The following ADK variants were observed in gnomAD, a reference collection of about 807,000 sequenced individuals.
ADK encodes adenosine kinase, also known as N6,N6-dimethyladenosine kinase.
A neutral mutation model predicts 44.7 loss-of-function variants in ADK; 24 were observed. That is an observed-to-expected ratio of 0.54 (90% CI 0.39 to 0.76). The LOEUF (loss-of-function observed/expected upper bound fraction) is 0.76, where lower values mean the gene tolerates loss of function less well. Among genes scored for constraint, ADK ranks in the 30% least tolerant of loss-of-function variants. ADK has a pLI of 0.00. For missense variants in ADK, 321 were observed against 425.1 expected, an observed-to-expected ratio of 0.76 and a Z score of 2.15; for synonymous variants, 128 against 142.6, an observed-to-expected ratio of 0.90 and a Z score of 0.73.
chr10:74,558,776 T>A (rs1015315783), intron 7 of ADK, among the ~76,000 whole-genome samples: 8 of 152,172 alleles, frequency 5.3e-5, no homozygotes, highest in Non-Finnish European at 1.0e-4. Flanking sequence ...TGCAGGCACT[T>A]CTGGAAGCTA....
chr10:74,201,480 T>C (rs948720628), intron 2 of ADK, among the ~76,000 whole-genome samples: 3 of 152,190 alleles, frequency 2.0e-5, no homozygotes, highest in African/African-American at 7.2e-5. Flanking sequence ...ATGCACCACG[T>C]CCACATAACT....
chr10:74,695,019 T>C (rs1472239541), intron 10 of ADK, among the ~76,000 whole-genome samples: 2 of 152,088 alleles, frequency 1.3e-5, no homozygotes, highest in African/African-American at 2.4e-5. Context: ...GCCTAAACAC[T>C]ACTTTTCTAA....
intron 3 of ADK, among the ~76,000 whole-genome samples, chr10:74,272,125 A>G (rs747957001): frequency 1.9e-4 from 29 of 152,172 alleles, no homozygotes; most frequent in Admixed American, 6.5e-5. Flanking sequence ...TATATTTTGC[A>G]TTACTTAATG....
intron 6 of ADK, among the ~76,000 whole-genome samples, chr10:74,416,130 C>T (rs1314150228): frequency 1.3e-5 from 2 of 150,706 alleles, no homozygotes; most frequent in African/African-American, 4.9e-5. Flanking sequence ...CAGTTTTTTT[C>T]TGATTTAGGT....
chr10:74,341,294 G>A (rs569222481), intron 4 of ADK, among the ~76,000 whole-genome samples: 134 of 152,052 alleles, frequency 8.8e-4, no homozygotes, highest in Non-Finnish European at 1.4e-3. Context: ...GCCCAGGCAG[G>A]TGGATTATGA....
At chr10:74,533,771 C>G (rs1007330939) in intron 7 of ADK, among the ~76,000 whole-genome samples, 1 of 152,088 alleles carries the variant, frequency 6.6e-6, no homozygotes, top group Non-Finnish European at 1.5e-5. Context: ...CTATCCCACT[C>G]CTAGATATTC....
chr10:74,312,538 A>G (rs1342654390), intron 3 of ADK, among the ~76,000 whole-genome samples: 2 of 151,952 alleles, frequency 1.3e-5, no homozygotes, highest in Non-Finnish European at 2.9e-5. Flanking sequence ...ATAAAAAACA[A>G]AAGTAAACTA....
rs556156740 is a variant in ADK, at chr10:74,643,082, T to C, written c.878-27101T>C. ...GTCTCAAATTCCTGGCCTCAAGCAA[T>C]CCACCCACCTCAGCCTCCTAAAGTG... On this transcript the variant is annotated intron_variant, in intron 9 of 10. Coordinates refer to ENST00000539909, the MANE Select transcript of ADK (RefSeq NM_006721.4). 1.1e-4 allele frequency among the ~76,000 whole-genome samples: 17 copies of C among 152,128 alleles called. No individual in the cohort carries two copies. The East Asian group carries it at 3.3e-3, about 29-fold the overall frequency.
chr10:74,580,139 T>G (rs1292810138), intron 7 of ADK, among the ~76,000 whole-genome samples: 1 of 152,218 alleles, frequency 6.6e-6, no homozygotes, highest in Non-Finnish European at 1.5e-5. Context: ...TGATATGGTT[T>G]GGCTGTGTCC....
intron 6 of ADK, among the ~76,000 whole-genome samples, chr10:74,495,765 A>C (rs970544759): frequency 3.3e-5 from 5 of 152,154 alleles, no homozygotes; most frequent in African/African-American, 1.2e-4. Context: ...TTGTCAGGCT[A>C]TATGAGGTGG....
At chr10:74,341,527 CAAAA>C (rs35233016) in intron 4 of ADK, among the ~76,000 whole-genome samples, 6 of 61,560 alleles carry the variant, frequency 9.7e-5, no homozygotes, top group African/African-American at 1.0e-4. Context: ...GACTCCGTCT[CAAAA>C]AAAAAAAAAA....
intron 3 of ADK, among the ~76,000 whole-genome samples, chr10:74,272,622 A>T (rs1422210288): frequency 6.6e-6 from 1 of 152,232 alleles, no homozygotes; most frequent in Non-Finnish European, 1.5e-5. Context: ...AGTATTATAA[A>T]TGCTTAATTT....
At chr10:74,578,936 T>C (rs1851285974) in intron 7 of ADK, among the ~76,000 whole-genome samples, 1 of 152,138 alleles carries the variant, frequency 6.6e-6, no homozygotes, top group African/African-American at 2.4e-5. Flanking sequence ...AGCCACCATA[T>C]TTTTACATGT....
At chr10:74,219,661 CA>C (rs1161454772) in intron 2 of ADK, among the ~76,000 whole-genome samples, 1 of 151,744 alleles carries the variant, frequency 6.6e-6, no homozygotes, top group Non-Finnish European at 1.5e-5. Flanking sequence ...GAAATTATAA[CA>C]AACTGTCTCT....
intron 1 of ADK, among the ~76,000 whole-genome samples, chr10:74,198,966 C>T (rs894987584): frequency 1.3e-5 from 2 of 152,058 alleles, no homozygotes; most frequent in Non-Finnish European, 2.9e-5. Flanking sequence ...AAACATAAGA[C>T]ATGAATAAAA....
At chr10:74,217,970 C>G (rs975942034) in intron 2 of ADK, among the ~76,000 whole-genome samples, 1 of 152,166 alleles carries the variant, frequency 6.6e-6, no homozygotes, top group Non-Finnish European at 1.5e-5. Context: ...AGCACCTCTC[C>G]TCCTCCAAAG....
At chr10:74,153,757 C>T (rs545863237) in intron 1 of ADK, among the ~76,000 whole-genome samples, 14 of 152,190 alleles carry the variant, frequency 9.2e-5, no homozygotes, top group Non-Finnish European at 2.1e-4. Flanking sequence ...CCATGATGAT[C>T]ACTTATATTT....
rs543092171 is a variant in ADK, at chr10:74,419,428, A to C, written c.555+20849A>C. On this transcript the variant is annotated intron_variant, in intron 6 of 10. Transcript: ENST00000539909. ...GGTACAATACCAGAGGAACCATCAC[A>C]GTTTATTTACCTTTCAGAAGCTTTA... Among the ~76,000 whole-genome samples, 4 of 152,270 alleles carry C rather than the reference A, an allele frequency of 2.6e-5. No homozygotes were observed. In the South Asian group the frequency reaches 6.2e-4, roughly 24 times the overall value.
At chr10:74,537,916 C>T (rs747786394) in intron 7 of ADK, among the ~76,000 whole-genome samples, 3 of 151,866 alleles carry the variant, frequency 2.0e-5, no homozygotes, top group Non-Finnish European at 2.9e-5. Context: ...AGATAAAGCT[C>T]CCCCTCATAT....
Sources: gnomAD v4.1 joint callset for allele counts (sites outside exome capture counted in the v4.1 genomes callset) on GRCh38, gnomAD v4.1.1 for gene constraint, MANE v1.5 for transcripts, NCBI Gene and HGNC (gene_info 2026-07-23, HGNC 2026-07-21) for gene names.